ENTPD6: variants seen among roughly 807,000 people sequenced by gnomAD.
ENTPD6 encodes the protein CD39 antigen-like 2.
Under a neutral mutation model 61.5 loss-of-function variants are expected in ENTPD6, and 46 were observed. That is an observed-to-expected ratio of 0.75 (90% CI 0.59 to 0.96). The LOEUF (loss-of-function observed/expected upper bound fraction) is 0.96, where lower values mean the gene tolerates loss of function less well. Among genes scored for constraint, ENTPD6 ranks in the 40% least tolerant of loss-of-function variants. The pLI is 0.00. For missense variants in ENTPD6, 612 were observed against 629.0 expected, an observed-to-expected ratio of 0.97 and a Z score of 0.29; for synonymous variants, 252 against 255.5, an observed-to-expected ratio of 0.99 and a Z score of 0.13.
rs145716987 is a variant in ENTPD6, at chr20:25,196,685, C to A, written c.-16+818C>A. Among the ~76,000 whole-genome samples, 74 of 152,256 alleles carry A rather than the reference C, an allele frequency of 4.9e-4. No homozygotes were observed. The East Asian group carries it at 0.014, about 29-fold the overall frequency. On this transcript the variant is annotated intron_variant, in intron 1 of 14. Transcript: ENST00000376652. ...GGGGAAGTCAGCCATAGCCTGCAGG[C>A]GGGGAATCTGAAACCTCGCGCAGGA...
chr20:25,210,711 G>A (rs976659177), intron 4 of ENTPD6, among the ~76,000 whole-genome samples: 3 of 152,180 alleles, frequency 2.0e-5, no homozygotes, highest in African/African-American at 7.2e-5. Flanking sequence ...GGAGGCTGAC[G>A]CGGGTGGATC....
intron 12 of ENTPD6, among the ~76,000 whole-genome samples, chr20:25,223,505 C>G (rs2092704916): frequency 6.6e-6 from 1 of 152,106 alleles, no homozygotes; most frequent in Non-Finnish European, 1.5e-5. Flanking sequence ...GTGAGATCAT[C>G]AGAATGTATG....
chr20:25,214,791 A>C, intron 5 of ENTPD6, 76 bp from the exon 6 acceptor site: 5 of 902,138 alleles, frequency 5.5e-6, no homozygotes, highest in Non-Finnish European at 9.1e-6. Flanking sequence ...TCACTTGACT[A>C]GCTAGCTAGC....
At chr20:25,196,087 G>A (rs1217712566) in intron 1 of ENTPD6, 8 of 1,056,904 alleles carry the variant, frequency 7.6e-6, no homozygotes, top group Non-Finnish European at 9.6e-6. Context: ...TTGGGCCACA[G>A]GGCGGGCCAA....
In ENTPD6 at chr20:25,226,632, C is replaced by A. The variant is rs2092800529; in HGVS notation, c.*1035C>A. On this transcript the variant is annotated 3_prime_UTR_variant, in exon 15 of 15. Coordinates refer to ENST00000376652, the MANE Select transcript of ENTPD6 (RefSeq NM_001247.5). ...GTGGCGTCAGTGTCGGGGCTGAGCC[C>A]CTTGAGCTGCTTCAGTGAATGTACA... The A allele has an allele frequency of 6.6e-6, 1 of 152,392 alleles. No individual in the cohort carries two copies. The allele number at this position is 152,392 out of a possible 1,614,324, so 9.4% of individuals were successfully genotyped here.
At chr20:25,201,620 C>T (rs1229354902) in intron 1 of ENTPD6, among the ~76,000 whole-genome samples, 1 of 152,148 alleles carries the variant, frequency 6.6e-6, no homozygotes, top group East Asian at 1.9e-4. Flanking sequence ...GACTCTTTTC[C>T]ATTCTTTTAC....
At position 25,227,597 on chromosome 20, in the gene ENTPD6, C is replaced by G. The variant is rs2092818021; in HGVS notation, c.*2000C>G. Among the ~76,000 whole-genome samples, 1 of 152,220 alleles carries G rather than the reference C, an allele frequency of 6.6e-6. No individual in the cohort carries two copies. Among genetic ancestry groups the G allele is most frequent in the African/African-American group, 2.4e-5 (1 of 41,450 alleles). ...ACGTGCACATCGTAAAAGAAGCAAA[C>G]TAGGGTTGCTTGAAAATTCTGTTCC... On this transcript the variant is annotated 3_prime_UTR_variant, in exon 15 of 15. Coordinates refer to ENST00000376652, the MANE Select transcript of ENTPD6 (RefSeq NM_001247.5).
chr20:25,215,610 G>C lies in ENTPD6; in HGVS notation c.674-66G>C, dbSNP rs867994105. 60 of 1,530,344 alleles carry C rather than the reference G, an allele frequency of 3.9e-5. 4 individuals are homozygous for C. In the Middle Eastern group the frequency reaches 9.0e-3, roughly 229 times the overall value. 94.8% of individuals were successfully genotyped at this position (1,530,344 alleles called of 1,614,324 possible). On this transcript the variant is annotated intron_variant, in intron 6 of 14. Transcript: ENST00000376652. ...CCAGATCTGCAAATAGTCATTTAAC[G>C]GTCCTGTGTGTTATGCTTTCAGCAT...
At chr20:25,217,048 G>A (rs1368956326) in intron 8 of ENTPD6, among the ~76,000 whole-genome samples, 6 of 152,110 alleles carry the variant, frequency 3.9e-5, no homozygotes, top group African/African-American at 1.4e-4. Context: ...TCCCCTTCAG[G>A]GTTCCGAAAG....
intron 1 of ENTPD6, 160 bp downstream of exon 1, chr20:25,196,027 C>A (rs904580590): frequency 7.3e-6 from 6 of 825,074 alleles, no homozygotes; most frequent in African/African-American, 1.8e-5. Context: ...TCCATTAGGG[C>A]TCCCTGGATG....
intron 1 of ENTPD6, among the ~76,000 whole-genome samples, chr20:25,204,287 A>G (rs2091284635): frequency 6.6e-6 from 1 of 151,998 alleles, no homozygotes; most frequent in South Asian, 2.1e-4. Flanking sequence ...TGAATAACCA[A>G]TTTTTCATTG....
chr20:25,209,873 C>A lies in ENTPD6; in HGVS notation c.401C>A (p.Thr134Asn). 6.2e-7 allele frequency: 1 copy of A among 1,614,200 alleles called. No homozygotes were observed. Among genetic ancestry groups the A allele is most frequent in the Non-Finnish European group, 8.5e-7 (1 of 1,180,000 alleles). ...PRETPTLTHE[T>N]FKALKPGLSA... is the part of the protein sequence containing the mutation. ...GAAACTCCCACGTTAACCCACGAAA[C>A]CTTCAAAGCACTGAAGCCAGGTCTT... The change falls in exon 4 of 15, where the codon ACC (threonine) becomes AAC (asparagine). Residue 134 changes from threonine (T) to asparagine (N), a missense_variant. Transcript: ENST00000376652.
chr20:25,197,057 C>T (rs2090512826), intron 1 of ENTPD6: 1 of 984,828 alleles, frequency 1.0e-6, no homozygotes, highest in Non-Finnish European at 1.2e-6. Context: ...CTGAAACCCA[C>T]CAGGAGGATG....
At chr20:25,208,883 T>A (rs1258454990) in intron 3 of ENTPD6, among the ~76,000 whole-genome samples, 1 of 152,212 alleles carries the variant, frequency 6.6e-6, no homozygotes, top group East Asian at 1.9e-4. Context: ...TGTGTGTAAA[T>A]TATCTTCAGT....
intron 1 of ENTPD6, among the ~76,000 whole-genome samples, chr20:25,199,994 G>A (rs2090902035): frequency 6.6e-6 from 1 of 152,206 alleles, no homozygotes; most frequent in Non-Finnish European, 1.5e-5. Flanking sequence ...TCTTTTAGAA[G>A]TGGGATTGCT....
chr20:25,226,114 TG>T lies in ENTPD6; in HGVS notation c.*520del, dbSNP rs2092789343. 1 of 153,164 alleles carries T rather than the reference TG, an allele frequency of 6.5e-6. No homozygotes were observed. The allele number at this position is 153,164 out of a possible 1,614,324, so 9.5% of individuals were successfully genotyped here. ...GGACAGTAGGTCTGGGCGGCACCAC[TG>T]GGAACTCTGGACTTGAGTGTGTTTG... On this transcript the variant is annotated 3_prime_UTR_variant, in exon 15 of 15. Transcript: ENST00000376652.
intron 1 of ENTPD6, chr20:25,196,189 G>T: frequency 8.3e-7 from 1 of 1,198,178 alleles, no homozygotes; most frequent in Non-Finnish European, 1.0e-6. Flanking sequence ...TCTGCGTCAG[G>T]GACAGACCCC....
chr20:25,212,748 C>T (rs2092057779), intron 4 of ENTPD6, among the ~76,000 whole-genome samples: 1 of 152,070 alleles, frequency 6.6e-6, no homozygotes, highest in East Asian at 1.9e-4. Context: ...CTCTGTCACC[C>T]AGGCTGGAGT....
At chr20:25,217,656 T>C in intron 9 of ENTPD6, 75 bp downstream of exon 9, 1 of 1,274,470 alleles carries the variant, frequency 7.8e-7, no homozygotes. Flanking sequence ...CATGGCCCTC[T>C]TGAGGTCATG....
Sources: allele counts gnomAD v4.1 joint callset (sites outside exome capture counted in the v4.1 genomes callset), GRCh38; gene constraint gnomAD v4.1.1; transcripts MANE v1.5; gene names NCBI Gene and HGNC (gene_info 2026-07-23, HGNC 2026-07-21).